Variants in ZBTB7C observed in about 807,000 individuals in gnomAD.
ZBTB7C encodes zinc finger and BTB domain containing 7C.
A neutral mutation model predicts 25.7 loss-of-function variants in ZBTB7C; 8 were observed. The ratio of observed to expected loss-of-function variants is 0.31; its 90% CI spans 0.18 to 0.56. The LOEUF (loss-of-function observed/expected upper bound fraction) is 0.56. Among genes scored for constraint, ZBTB7C ranks in the 20% least tolerant of loss-of-function variants. ZBTB7C has a pLI of 0.91. For missense variants in ZBTB7C, 824 were observed against 855.2 expected, an observed-to-expected ratio of 0.96 and a Z score of 0.46; for synonymous variants, 394 against 369.0, an observed-to-expected ratio of 1.07 and a Z score of -0.78.
chr18:48,074,609 G>A (rs2037687901), intron 3 of ZBTB7C, among the ~76,000 whole-genome samples: 1 of 152,210 alleles, frequency 6.6e-6, no homozygotes, highest in Non-Finnish European at 1.5e-5. Context: ...TGTATGGAGA[G>A]GAAGGCTTTC....
At chr18:48,103,384 T>C (rs1399533545) in intron 3 of ZBTB7C, among the ~76,000 whole-genome samples, 1 of 152,022 alleles carries the variant, frequency 6.6e-6, no homozygotes, top group Non-Finnish European at 1.5e-5. Context: ...TATTGGCCCC[T>C]CCAGGATCCA....
intron 3 of ZBTB7C, among the ~76,000 whole-genome samples, chr18:48,075,745 C>T (rs1460512044): frequency 6.6e-6 from 1 of 152,172 alleles, no homozygotes; most frequent in Non-Finnish European, 1.5e-5. Flanking sequence ...GCGTCATCCT[C>T]CCTGCAGTTG....
intron 2 of ZBTB7C, among the ~76,000 whole-genome samples, chr18:48,195,838 G>A (rs979180250): frequency 1.3e-5 from 2 of 152,016 alleles, no homozygotes; most frequent in Non-Finnish European, 2.9e-5. Context: ...TCTTTCCAAA[G>A]CTTCAACTTA....
intron 1 of ZBTB7C, among the ~76,000 whole-genome samples, chr18:48,348,022 T>C (rs1478712933): frequency 6.6e-6 from 1 of 152,142 alleles, no homozygotes; most frequent in South Asian, 2.1e-4. Context: ...ATGGTAGCAA[T>C]GACATGAGCC....
chr18:48,326,947 C>A (rs996823771), intron 2 of ZBTB7C, among the ~76,000 whole-genome samples: 27 of 152,318 alleles, frequency 1.8e-4, no homozygotes, highest in Admixed American at 1.1e-3. Context: ...CAAAGTCCTG[C>A]AGGTGCAAGA....
At chr18:48,410,079 G>A (rs888819827), upstream of ZBTB7C, among the ~76,000 whole-genome samples, 3 of 149,644 alleles carry the variant, frequency 2.0e-5, no homozygotes, top group Admixed American at 6.6e-5. Context: ...GAGTCCGATG[G>A]GGGAGGAAAT....
chr18:48,092,302 C>A (rs1201047679), intron 3 of ZBTB7C, among the ~76,000 whole-genome samples: 2 of 152,244 alleles, frequency 1.3e-5, no homozygotes, highest in African/African-American at 2.4e-5. Flanking sequence ...TGCCCCAACG[C>A]CCCTGTACCC....
At position 48,039,968 on chromosome 18, in the gene ZBTB7C, C is replaced by T. The variant is rs752738869; in HGVS notation, c.1140G>A (p.Pro380=). The T allele has an allele frequency of 3.6e-5, 58 of 1,614,038 alleles. 1 individual carries two copies. The highest frequency in any genetic ancestry group is 1.8e-4 in the East Asian group (8 of 44,876). ...CCCCGGTATGGGTCCTCATGTGCCGCGGCAGCTTCCCGGCCCCCATGATGA... is the reference window on the plus strand; with the variant it reads ...CCCCGGTATGGGTCCTCATGTGCCGTGGCAGCTTCCCGGCCCCCATGATGA... ...HKVIMGAGKL[P]RHMRTHTGEK... Residue 380 remains proline, a synonymous_variant, in exon 4 of 5, where the codon CCG becomes CCA. Coordinates refer to ENST00000590800, the MANE Select transcript of ZBTB7C (RefSeq NM_001318841.2).
In ZBTB7C at chr18:48,161,971, C is replaced by T. The variant is rs564193561; in HGVS notation, c.-17+23963G>A. ...AGGCCGCGGCCCGGCGCGGCACCGC[C>T]CCTGCCCACGGTTACCCGGTTACCG... On this transcript the variant is annotated intron_variant, in intron 3 of 4. Coordinates refer to ENST00000590800, the MANE Select transcript of ZBTB7C (RefSeq NM_001318841.2). Among the ~76,000 whole-genome samples the T allele has an allele frequency of 4.1e-3, 588 of 144,012 alleles. 1 individual carries two copies. Among genetic ancestry groups the T allele is most frequent in the African/African-American group, 0.013 (550 of 40,966 alleles). The allele number at this position is 144,012 out of a possible 152,430, so 94.5% of individuals were successfully genotyped here.
At chr18:48,119,700 G>C (rs1443497044) in intron 3 of ZBTB7C, among the ~76,000 whole-genome samples, 2 of 152,202 alleles carry the variant, frequency 1.3e-5, no homozygotes, top group Non-Finnish European at 2.9e-5. Context: ...GGTCCATCCT[G>C]GGTGCCTGGC....
intron 3 of ZBTB7C, among the ~76,000 whole-genome samples, chr18:48,144,171 C>A (rs991169509): frequency 6.6e-6 from 1 of 151,846 alleles, no homozygotes; most frequent in Non-Finnish European, 1.5e-5. Flanking sequence ...CCCAGCTACT[C>A]GGGAGGCTGA....
intron 1 of ZBTB7C, among the ~76,000 whole-genome samples, chr18:48,406,695 C>G (rs1219507668): frequency 1.3e-5 from 2 of 152,190 alleles, no homozygotes; most frequent in African/African-American, 4.8e-5. Flanking sequence ...TCTGCACTAG[C>G]CTTGAATTCT....
At chr18:48,111,655 C>CA (rs896647264) in intron 3 of ZBTB7C, among the ~76,000 whole-genome samples, 1 of 152,148 alleles carries the variant, frequency 6.6e-6, no homozygotes, top group African/African-American at 2.4e-5. Flanking sequence ...ATGAGGGGCC[C>CA]AGAGGCAGCT....
rs539162300 is a variant in ZBTB7C at position 48,370,396 on chromosome 18, G to C, written c.-303-31998C>G. ...GACAAAATTACAGAAATGAAGAACA[G>C]GTTTCCAGGGTAAAGCAGGGAATGA... On this transcript the variant is annotated intron_variant, in intron 1 of 4. Transcript: ENST00000590800. Among the ~76,000 whole-genome samples, 14 of 152,248 alleles carry C rather than the reference G, an allele frequency of 9.2e-5. No individual in the cohort carries two copies. The South Asian group carries it at 2.7e-3, about 29-fold the overall frequency.
intron 2 of ZBTB7C, among the ~76,000 whole-genome samples, chr18:48,273,053 G>A (rs539302531): frequency 1.2e-4 from 19 of 152,132 alleles, no homozygotes; most frequent in Non-Finnish European, 2.5e-4. Flanking sequence ...TGGAGATGAC[G>A]AAAACATTCT....
chr18:48,321,439 T>C (rs1393477181), intron 2 of ZBTB7C, among the ~76,000 whole-genome samples: 1 of 152,172 alleles, frequency 6.6e-6, no homozygotes, highest in East Asian at 1.9e-4. Flanking sequence ...TGGGACTTTT[T>C]GCAGGACCGC....
intron 2 of ZBTB7C, among the ~76,000 whole-genome samples, chr18:48,257,177 AAG>A (rs1273219474): frequency 6.6e-6 from 1 of 152,138 alleles, no homozygotes. Flanking sequence ...TACTAATGAA[AAG>A]AAAGCTAGAC....
intron 2 of ZBTB7C, among the ~76,000 whole-genome samples, chr18:48,285,640 T>C (rs2045023355): frequency 6.6e-6 from 1 of 152,160 alleles, no homozygotes; most frequent in African/African-American, 2.4e-5. Context: ...GCATGAGCCA[T>C]TATGCCAAGC....
At chr18:48,089,376 G>T (rs2038320650) in intron 3 of ZBTB7C, among the ~76,000 whole-genome samples, 1 of 151,898 alleles carries the variant, frequency 6.6e-6, no homozygotes, top group African/African-American at 2.4e-5. Flanking sequence ...GGAGGCTGAG[G>T]CAGGAGAATC....
Sources: allele counts gnomAD v4.1 joint callset (sites outside exome capture counted in the v4.1 genomes callset), GRCh38; gene constraint gnomAD v4.1.1; transcripts MANE v1.5; gene names NCBI Gene and HGNC (gene_info 2026-07-23, HGNC 2026-07-21).